CTNND2: variants seen among roughly 807,000 people sequenced by gnomAD.
CTNND2 encodes the protein catenin delta-2.
A neutral mutation model predicts 144.4 loss-of-function variants in CTNND2; 22 were observed. That is an observed-to-expected ratio of 0.15 (90% confidence interval 0.11 to 0.22). The LOEUF is 0.22. Among genes scored for constraint, CTNND2 ranks in the 10% least tolerant of loss-of-function variants. CTNND2 has a pLI of 1.00. For synonymous variants in CTNND2, 751 were observed against 695.6 expected (o/e 1.08, Z -1.25); for missense variants, 1,353 against 1,618.8 (o/e 0.84, Z 2.82).
chr5:11,693,721 A>C (rs1314810295), intron 2 of CTNND2, among the ~76,000 whole-genome samples: 2 of 152,212 alleles, frequency 1.3e-5, no homozygotes, highest in Admixed American at 6.5e-5. Context: ...TTATTTAATA[A>C]TTTCCCCTAA....
chr5:11,455,910 T>G (rs1765696859), intron 3 of CTNND2, among the ~76,000 whole-genome samples: 1 of 152,230 alleles, frequency 6.6e-6, no homozygotes, highest in South Asian at 2.1e-4. Context: ...GCTGTTAGAT[T>G]CTGTCAGCAT....
intron 9 of CTNND2, among the ~76,000 whole-genome samples, chr5:11,249,611 G>C (rs1387825575): frequency 2.6e-5 from 4 of 152,086 alleles, no homozygotes; most frequent in Admixed American, 1.3e-4. Context: ...TTGTGGTTTA[G>C]GGACCATCAT....
intron 10 of CTNND2, among the ~76,000 whole-genome samples, chr5:11,232,144 G>A (rs1414038049): frequency 1.3e-5 from 2 of 152,248 alleles, no homozygotes; most frequent in Non-Finnish European, 2.9e-5. Context: ...GAGGTTTGTT[G>A]CAGGGGTGGA....
intron 9 of CTNND2, among the ~76,000 whole-genome samples, chr5:11,241,783 C>T (rs535078185): frequency 6.6e-6 from 1 of 152,158 alleles, no homozygotes; most frequent in Non-Finnish European, 1.5e-5. Context: ...TGGATCATTT[C>T]GGCCAGAATT....
chr5:11,841,512 T>C (rs1794470468), intron 1 of CTNND2, among the ~76,000 whole-genome samples: 1 of 152,176 alleles, frequency 6.6e-6, no homozygotes, highest in Non-Finnish European at 1.5e-5. Context: ...AACAAAATTA[T>C]GGAACTTTTA....
At chr5:11,799,891 A>G (rs1419210114) in intron 1 of CTNND2, among the ~76,000 whole-genome samples, 2 of 152,266 alleles carry the variant, frequency 1.3e-5, no homozygotes, top group East Asian at 3.9e-4. Flanking sequence ...ATTCAGACTC[A>G]TATCAAAACA....
At position 11,196,620 on chromosome 5, in the gene CTNND2, C is replaced by T. The variant is rs138757731; in HGVS notation, c.1975+2828G>A. Among the ~76,000 whole-genome samples the T allele has an allele frequency of 1.3e-4, 20 of 152,342 alleles. No homozygotes were observed. The East Asian group carries it at 3.1e-3, about 24-fold the overall frequency. ...TGCAGTGGCTCCTTGCGACAAAAGACGTGAAGCCAGCCTTTCTTCTTGTAC... is the reference window on the plus strand; with the variant it reads ...TGCAGTGGCTCCTTGCGACAAAAGATGTGAAGCCAGCCTTTCTTCTTGTAC... On this transcript the variant is annotated intron_variant, in intron 11 of 21. Coordinates refer to ENST00000304623, the MANE Select transcript of CTNND2 (RefSeq NM_001332.4).
At chr5:11,241,794 C>A (rs1742480106) in intron 9 of CTNND2, among the ~76,000 whole-genome samples, 1 of 152,124 alleles carries the variant, frequency 6.6e-6, no homozygotes, top group African/African-American at 2.4e-5. Flanking sequence ...GGCCAGAATT[C>A]AGTGTATAGT....
intron 1 of CTNND2, among the ~76,000 whole-genome samples, chr5:11,894,893 G>T (rs1035919320): frequency 1.4e-4 from 21 of 152,136 alleles, no homozygotes; most frequent in African/African-American, 5.1e-4. Flanking sequence ...TGCCCCAAAT[G>T]ATGAACTAAG....
At chr5:11,142,636 C>T (rs543095271) in intron 12 of CTNND2, among the ~76,000 whole-genome samples, 79 of 132,820 alleles carry the variant, frequency 5.9e-4, no homozygotes, top group African/African-American at 2.2e-3. Flanking sequence ...TTGTTTGAGG[C>T]AGAGTTTCGC....
intron 1 of CTNND2, among the ~76,000 whole-genome samples, chr5:11,777,021 T>C (rs560319218): frequency 9.9e-5 from 15 of 150,906 alleles, no homozygotes; most frequent in Non-Finnish European, 1.9e-4. Context: ...TGTTAAAAAA[T>C]ACTCATGTTA....
chr5:11,153,658 A>C (rs998034913), intron 12 of CTNND2, among the ~76,000 whole-genome samples: 1 of 152,236 alleles, frequency 6.6e-6, no homozygotes, highest in African/African-American at 2.4e-5. Context: ...TACAATCGTA[A>C]GCAAAGGCAC....
chr5:11,506,015 C>T (rs143438977), intron 3 of CTNND2, among the ~76,000 whole-genome samples: 1 of 152,254 alleles, frequency 6.6e-6, no homozygotes, highest in African/African-American at 2.4e-5. Context: ...TGAGTTGAAA[C>T]TCACATTTCT....
chr5:11,495,650 G>A (rs1428446177), intron 3 of CTNND2, among the ~76,000 whole-genome samples: 4 of 152,164 alleles, frequency 2.6e-5, no homozygotes, highest in African/African-American at 4.8e-5. Flanking sequence ...TCACATTCCA[G>A]GAGGCAGTGC....
intron 3 of CTNND2, among the ~76,000 whole-genome samples, chr5:11,477,398 G>T (rs31939): frequency 0.013 from 1,994 of 150,016 alleles, 34 homozygotes; most frequent in African/African-American, 0.041. Flanking sequence ...TTTTTTGGTG[G>T]TGTTGTTTTT....
chr5:11,471,662 G>A (rs1767247675), intron 3 of CTNND2, among the ~76,000 whole-genome samples: 3 of 152,200 alleles, frequency 2.0e-5, no homozygotes, highest in East Asian at 1.9e-4. Flanking sequence ...AGCTCAGGAA[G>A]TTCATTCTAT....
intron 2 of CTNND2, among the ~76,000 whole-genome samples, chr5:11,700,488 T>C (rs1317288286): frequency 6.6e-6 from 1 of 152,114 alleles, no homozygotes; most frequent in African/African-American, 2.4e-5. Context: ...GATCAATGAC[T>C]TAAAGAATCA....
rs200335022 is a variant in CTNND2 at position 10,981,500 on chromosome 5, AC to A, written c.3417+272del. Among the ~76,000 whole-genome samples, 132 of 152,178 alleles carry A rather than the reference AC, an allele frequency of 8.7e-4. No homozygotes were observed. In the East Asian group the frequency reaches 0.022, roughly 25 times the overall value. On this transcript the variant is annotated intron_variant, in intron 21 of 21. Coordinates refer to ENST00000304623, the MANE Select transcript of CTNND2 (RefSeq NM_001332.4). ...ATTTGGGGGTTTCTTTTAGTTTTGC[AC>A]CATAGCAGAATACTTGCTTTCTGCA...
At chr5:11,390,108 G>T (rs1454856020) in intron 6 of CTNND2, among the ~76,000 whole-genome samples, 1 of 152,182 alleles carries the variant, frequency 6.6e-6, no homozygotes, top group African/African-American at 2.4e-5. Context: ...GTACAAATGA[G>T]GAGTTTGTTT....
Sources: allele counts gnomAD v4.1 joint callset (sites outside exome capture counted in the v4.1 genomes callset), GRCh38; gene constraint gnomAD v4.1.1; transcripts MANE v1.5; gene names NCBI Gene and HGNC (gene_info 2026-07-23, HGNC 2026-07-21).